DMBT1: variants seen among roughly 807,000 people sequenced by gnomAD.
DMBT1 encodes the protein scavenger receptor cysteine-rich domain-containing protein DMBT1.
A neutral mutation model predicts 252.9 loss-of-function variants in DMBT1; 198 were observed. The observed-to-expected ratio is 0.78, with a 90% confidence interval of 0.70 to 0.88. The LOEUF (loss-of-function observed/expected upper bound fraction) is 0.88, where lower values mean the gene tolerates loss of function less well. DMBT1 is among the 40% of genes least tolerant of loss of function. The pLI, the probability that DMBT1 is intolerant of heterozygous loss-of-function variation, is 0.00. For missense variants in DMBT1, 2,432 were observed against 2,404.7 expected (o/e 1.01, Z -0.24); for synonymous variants, 990 against 942.7 (o/e 1.05, Z -0.92).
intron 9 of DMBT1, 29 bp from the exon 10 acceptor site, chr10:122,579,549 G>T: frequency 6.2e-7 from 1 of 1,612,138 alleles, no homozygotes; most frequent in Non-Finnish European, 8.5e-7. Context: ...TGATAGGGAT[G>T]GATGAAGGGT....
At chr10:122,629,549 G>C (rs1021483881) in intron 46 of DMBT1, among the ~76,000 whole-genome samples, 10 of 152,206 alleles carry the variant, frequency 6.6e-5, no homozygotes, top group African/African-American at 2.4e-4. Context: ...TCACTTTGTT[G>C]CTTTCTTGGC....
In DMBT1 at chr10:122,597,958, T is replaced by C. The variant is rs1314064009; in HGVS notation, c.2918-16T>C. ...ATCAACTTTAATTCTAGCCTTTGTC[T>C]CTGTTGCAATTACAGACACATTGCC... On this transcript the variant is annotated splice_polypyrimidine_tract_variant and intron_variant, in intron 24 of 55. Transcript: ENST00000338354. 6.2e-7 allele frequency: 1 copy of C among 1,613,866 alleles called. No individual in the cohort carries two copies. Among genetic ancestry groups the C allele is most frequent in the Non-Finnish European group, 8.5e-7 (1 of 1,179,830 alleles).
chr10:122,621,296 G>A lies in DMBT1; in HGVS notation c.5524G>A (p.Glu1842Lys), dbSNP rs762644039. 1 of 1,613,834 alleles carries A rather than the reference G, an allele frequency of 6.2e-7. No homozygotes were observed. Among genetic ancestry groups the A allele is most frequent in the South Asian group, 1.1e-5 (1 of 91,074 alleles). Residue 1842 changes from glutamate to lysine, a missense_variant, in exon 44 of 56, where the codon GAG becomes AAG. Around this residue, in one of 3 missense-constraint regions of DMBT1, gnomAD observed 1,162 missense variants for 1,169.0 expected, o/e 0.99. Coordinates refer to ENST00000338354, the MANE Select transcript of DMBT1 (RefSeq NM_001377530.1). Reference protein sequence around the residue: ...VLDDVRCSGNESYLWSCPHKG... With the variant: ...VLDDVRCSGNKSYLWSCPHKG... ...GGATGATGTGCGCTGCTCAGGGAAT[G>A]AGTCCTACCTGTGGAGCTGCCCCCA...
At chr10:122,570,448 T>G (rs954886061) in intron 3 of DMBT1, among the ~76,000 whole-genome samples, 1 of 152,240 alleles carries the variant, frequency 6.6e-6, no homozygotes, top group African/African-American at 2.4e-5. Context: ...ATGGTTTAGT[T>G]TTGCATTCTG....
rs189166427 is a variant in DMBT1 at position 122,564,005 on chromosome 10, G to A, written c.62-1962G>A. Among the ~76,000 whole-genome samples the A allele has an allele frequency of 1.8e-4, 28 of 152,302 alleles. No individual in the cohort carries two copies. In the East Asian group the frequency reaches 5.0e-3, roughly 27 times the overall value. Reference sequence around the variant, plus strand: ...GATGGCATGTCAGAAAAGAGGTGGGGATGTTCTGGTACAGAGTTCCCTAGT... The same window carrying A: ...GATGGCATGTCAGAAAAGAGGTGGGAATGTTCTGGTACAGAGTTCCCTAGT... On this transcript the variant is annotated intron_variant, in intron 1 of 55. Coordinates refer to ENST00000338354, the MANE Select transcript of DMBT1 (RefSeq NM_001377530.1).
intron 4 of DMBT1, 78 bp downstream of exon 4, chr10:122,571,015 T>A (rs1244340595): frequency 2.0e-6 from 3 of 1,524,404 alleles, no homozygotes; most frequent in Non-Finnish European, 2.7e-6. Context: ...TCAGACGAGG[T>A]GCAGAGGGCA....
At chr10:122,577,979 C>G in intron 8 of DMBT1, 139 bp downstream of exon 8, 1 of 898,286 alleles carries the variant, frequency 1.1e-6, no homozygotes, top group Non-Finnish European at 1.7e-6. Flanking sequence ...AACTGAGACC[C>G]TAGCATGGGG....
Position 122,572,136 on chromosome 10 carries a change from G to A in DMBT1, c.188-178G>A, listed in dbSNP as rs544006286. 4.6e-5 allele frequency among the ~76,000 whole-genome samples: 7 copies of A among 152,288 alleles called. No individual in the cohort carries two copies. The East Asian group carries it at 9.7e-4, about 21-fold the overall frequency. On this transcript the variant is annotated intron_variant, in intron 4 of 55. Transcript: ENST00000338354. ...ACAAAGGATGCTTGTGCGGCACCTT[G>A]GCCCAGCGTGGGACCAGTACAGTGA... is the stretch of plus-strand genomic sequence containing the variant.
At chr10:122,573,038 G>GT (rs895423422) in intron 5 of DMBT1, among the ~76,000 whole-genome samples, 1 of 152,122 alleles carries the variant, frequency 6.6e-6, no homozygotes, top group Non-Finnish European at 1.5e-5. Flanking sequence ...ACACCAAGAG[G>GT]TTTTTTTAAT....
Position 122,584,360 on chromosome 10 carries a change from C to G in DMBT1, c.1420+9C>G. 1 of 511,984 alleles carries G rather than the reference C, an allele frequency of 2.0e-6. No individual in the cohort carries two copies. The highest frequency in any genetic ancestry group is 3.3e-6 in the Non-Finnish European group (1 of 298,726). 31.7% of individuals were successfully genotyped at this position (511,984 alleles called of 1,614,324 possible). The stretch of plus-strand genomic sequence containing the variant: ...GTCGACGCCCAGTCCAGGTGAGTCC[C>G]CAGTGTCCTTCCTTGGGATGTCCCT... On this transcript the variant is annotated intron_variant, in intron 14 of 55. Transcript: ENST00000338354.
In DMBT1 at chr10:122,618,186, C is replaced by A. The variant is rs1183033191; in HGVS notation, c.5061C>A (p.Ala1687=). Reference sequence around the variant, plus strand: ...TGGGCTGTGGCTGGGCCATGTCAGCCCCAGGAAATGCCCAGTTTGGCCAGG... The same window carrying A: ...TGGGCTGTGGCTGGGCCATGTCAGCACCAGGAAATGCCCAGTTTGGCCAGG... ...RQLGCGWAMS[A]PGNAQFGQGS... Residue 1687 remains alanine (A), a synonymous_variant, in exon 41 of 56, where the codon GCC becomes GCA. Coordinates refer to ENST00000338354, the MANE Select transcript of DMBT1 (RefSeq NM_001377530.1). 3.1e-6 allele frequency: 5 copies of A among 1,613,874 alleles called. No homozygotes were observed. The highest frequency in any genetic ancestry group is 1.7e-5 in the Admixed American group (1 of 59,998).
chr10:122,630,515 A>G (rs911469339), intron 48 of DMBT1, 25 bp downstream of exon 48: 20 of 1,608,436 alleles, frequency 1.2e-5, no homozygotes, highest in Admixed American at 5.0e-5. Context: ...GACCATGCCT[A>G]TGAGGCTTGG....
intron 2 of DMBT1, among the ~76,000 whole-genome samples, chr10:122,568,628 G>A (rs374247235): frequency 3.2e-4 from 48 of 152,308 alleles, no homozygotes; most frequent in Non-Finnish European, 4.7e-4. Flanking sequence ...GGAGGTGACC[G>A]GTGTCAGGGC....
intron 11 of DMBT1, among the ~76,000 whole-genome samples, chr10:122,581,554 A>G (rs76108804): frequency 0.14 from 20,588 of 145,758 alleles, 1,999 homozygotes; most frequent in African/African-American, 0.26. Context: ...GGCATCCTCT[A>G]ACAGATAGAA....
chr10:122,617,403 G>T (rs1278039914), intron 40 of DMBT1, 143 bp downstream of exon 40: 12 of 1,071,808 alleles, frequency 1.1e-5, no homozygotes, highest in Non-Finnish European at 1.7e-5. Context: ...AGTTTCTAGG[G>T]AGTCAGCCCT....
At chr10:122,637,888 C>G (rs1020550124) in intron 54 of DMBT1, among the ~76,000 whole-genome samples, 2 of 152,180 alleles carry the variant, frequency 1.3e-5, no homozygotes, top group South Asian at 2.1e-4. Flanking sequence ...AAGATGGCCC[C>G]CTGCATCCAA....
rs1170556880 is a variant in DMBT1, at chr10:122,593,730, C to T, written c.2530+132C>T. On this transcript the variant is annotated intron_variant, in intron 21 of 55. Coordinates refer to ENST00000338354, the MANE Select transcript of DMBT1 (RefSeq NM_001377530.1). ...ATATTATTTCCACCCCCAACACCGG[C>T]TGTGTAACTGAGACCCCAGCACAGC... The T allele has an allele frequency of 2.7e-5, 35 of 1,297,320 alleles. 1 individual carries two copies. The highest frequency in any genetic ancestry group is 1.4e-4 in the African/African-American group (10 of 70,232). 80.4% of individuals were successfully genotyped at this position (1,297,320 alleles called of 1,614,324 possible). A position where few individuals can be genotyped will look rare whatever the true frequency, so the allele number is the denominator to read the frequency against.
chr10:122,598,215 G>A (rs540688628), intron 25 of DMBT1, among the ~76,000 whole-genome samples: 7 of 152,070 alleles, frequency 4.6e-5, no homozygotes, highest in East Asian at 1.9e-4. Flanking sequence ...CTTGTCTCCC[G>A]TGGAATCCTG....
chr10:122,564,905 T>C (rs1359866905), intron 1 of DMBT1, among the ~76,000 whole-genome samples: 2 of 152,162 alleles, frequency 1.3e-5, no homozygotes, highest in Non-Finnish European at 2.9e-5. Flanking sequence ...TTCATCTAAT[T>C]ATTGCAGAAA....
Sources: allele counts gnomAD v4.1 joint callset (sites outside exome capture counted in the v4.1 genomes callset), GRCh38; gene constraint gnomAD v4.1.1; regional missense constraint gnomAD v4.1.1; transcripts MANE v1.5; gene names NCBI Gene and HGNC (gene_info 2026-07-23, HGNC 2026-07-21).